The following PDE11A variants were observed in gnomAD, a reference collection of about 807,000 sequenced individuals.
The protein encoded by PDE11A is dual 3',5'-cyclic-AMP and -GMP phosphodiesterase 11A.
Under a neutral mutation model 100.5 loss-of-function variants are expected in PDE11A, and 100 were observed. That is an observed-to-expected ratio of 1.00 (90% CI 0.85 to 1.18). PDE11A has a LOEUF of 1.18. Among genes scored for constraint, PDE11A ranks in the 50% most tolerant of loss-of-function variants. The pLI is 0.00. For missense variants in PDE11A, 1,141 were observed against 1,152.6 expected, an observed-to-expected ratio of 0.99 and a Z score of 0.15; for synonymous variants, 381 against 420.8, an observed-to-expected ratio of 0.91 and a Z score of 1.16.
rs2079794042 is a variant in PDE11A, at chr2:177,623,689, A to T, written c.*5718T>A. ...CACACAGAAAATGAACACAGATATA[A>T]ACGGTGGCACAAATAATACATTTTT... On this transcript the variant is annotated 3_prime_UTR_variant, in exon 20 of 20. Transcript: ENST00000286063. 1 of 152,242 alleles carries T rather than the reference A, an allele frequency of 6.6e-6. No homozygotes were observed. Among genetic ancestry groups the T allele is most frequent in the South Asian group, 2.1e-4 (1 of 4,834 alleles). 9.4% of individuals were successfully genotyped at this position (152,242 alleles called of 1,614,324 possible).
Position 177,705,230 on chromosome 2 carries a change from G to GAAA in PDE11A, c.2154-4022_2154-4020dup, listed in dbSNP as rs3056940. 5.2e-3 allele frequency among the ~76,000 whole-genome samples: 787 copies of GAAA among 150,482 alleles called. 6 individuals carry two copies. Among genetic ancestry groups the GAAA allele is most frequent in the African/African-American group, 0.015 (614 of 41,160 alleles). ...GCTTCTACTTTCTCACATAAAATAT[G>GAAA]AAAAAAAAACCCTGAGATCAATCAC... On this transcript the variant is annotated intron_variant, in intron 13 of 19. Transcript: ENST00000286063.
At chr2:177,789,820 C>A (rs919677289) in intron 9 of PDE11A, among the ~76,000 whole-genome samples, 8 of 151,978 alleles carry the variant, frequency 5.3e-5, no homozygotes, top group Admixed American at 5.2e-4. Context: ...TACCTAGGAA[C>A]CCAACTTACA....
intron 9 of PDE11A, among the ~76,000 whole-genome samples, chr2:177,811,916 T>A (rs2082954749): frequency 6.6e-6 from 1 of 152,160 alleles, no homozygotes; most frequent in Non-Finnish European, 1.5e-5. Context: ...GCAATCTGTT[T>A]TCAGCTCTGA....
At chr2:178,045,978 CAG>C (rs2086745269) in intron 1 of PDE11A, among the ~76,000 whole-genome samples, 1 of 152,158 alleles carries the variant, frequency 6.6e-6, no homozygotes, top group Admixed American at 6.5e-5. Flanking sequence ...AGAATCTAAA[CAG>C]AGATGGATAA....
In PDE11A at chr2:177,855,690, G is replaced by A. The variant is rs116071468; in HGVS notation, c.1368-15307C>T. Among the ~76,000 whole-genome samples, 1,100 of 151,950 alleles carry A rather than the reference G, an allele frequency of 7.2e-3. 13 individuals carry two copies. Among genetic ancestry groups the A allele is most frequent in the African/African-American group, 0.025 (1,024 of 41,418 alleles). On this transcript the variant is annotated intron_variant, in intron 5 of 19. Transcript: ENST00000286063. ...CTTGTCTTTATTTGACCTGACTCAG[G>A]GCTTGTTTATTGAGAACAGCCTTTA... is the stretch of plus-strand genomic sequence containing the variant.
chr2:177,869,312 T>C (rs2084085112), intron 5 of PDE11A, among the ~76,000 whole-genome samples: 1 of 152,244 alleles, frequency 6.6e-6, no homozygotes, highest in African/African-American at 2.4e-5. Flanking sequence ...AGAGCTATAT[T>C]CCTCTCTGAA....
At chr2:177,930,884 C>T (rs1258475506) in intron 2 of PDE11A, among the ~76,000 whole-genome samples, 1 of 152,204 alleles carries the variant, frequency 6.6e-6, no homozygotes, top group East Asian at 1.9e-4. Flanking sequence ...GAATGCTTAG[C>T]CTCAACTGGT....
chr2:177,898,241 G>A, intron 3 of PDE11A, 43 bp from the exon 4 acceptor site: 1 of 1,426,594 alleles, frequency 7.0e-7, no homozygotes. Flanking sequence ...ATGTAAAACT[G>A]AAAAAAAGTT....
intron 7 of PDE11A, among the ~76,000 whole-genome samples, chr2:177,819,831 C>T (rs564670494): frequency 1.0e-4 from 14 of 139,254 alleles, no homozygotes; most frequent in African/African-American, 3.4e-4. Flanking sequence ...AACTTTGTGG[C>T]CTTCTTGAAG....
chr2:177,847,239 T>A (rs1331683835), intron 5 of PDE11A, among the ~76,000 whole-genome samples: 1 of 152,198 alleles, frequency 6.6e-6, no homozygotes, highest in East Asian at 1.9e-4. Flanking sequence ...ACCTCCTTCA[T>A]TCTAGAACCT....
intron 3 of PDE11A, among the ~76,000 whole-genome samples, chr2:177,902,951 T>G (rs2084721333): frequency 6.6e-6 from 1 of 152,180 alleles, no homozygotes; most frequent in Non-Finnish European, 1.5e-5. Flanking sequence ...CAGTTTATTA[T>G]CTCCAGGGAG....
intron 10 of PDE11A, among the ~76,000 whole-genome samples, chr2:177,758,296 CA>C (rs78765770): frequency 0.16 from 10,634 of 64,580 alleles, 201 homozygotes; most frequent in East Asian, 0.22. Context: ...GACTCCGTCT[CA>C]AAAAAAAAAA....
At chr2:178,050,235 A>T (rs1003148826) in intron 1 of PDE11A, among the ~76,000 whole-genome samples, 2 of 152,210 alleles carry the variant, frequency 1.3e-5, no homozygotes, top group African/African-American at 4.8e-5. Context: ...ACCCAGGCAA[A>T]CAGGGTCTGG....
chr2:177,938,284 A>C (rs1307895206), intron 2 of PDE11A, among the ~76,000 whole-genome samples: 1 of 152,182 alleles, frequency 6.6e-6, no homozygotes, highest in Non-Finnish European at 1.5e-5. Context: ...TTATCATCAC[A>C]CATGGAAACT....
intron 2 of PDE11A, among the ~76,000 whole-genome samples, chr2:177,936,049 T>A (rs987784634): frequency 6.6e-6 from 1 of 152,290 alleles, no homozygotes; most frequent in Non-Finnish European, 1.5e-5. Context: ...TTCTAAGACA[T>A]CTATGTATTT....
chr2:178,026,601 C>T (rs1317327569), intron 1 of PDE11A, among the ~76,000 whole-genome samples: 6 of 150,464 alleles, frequency 4.0e-5, no homozygotes, highest in African/African-American at 9.8e-5. Context: ...GCAGAGGTTG[C>T]AGTGAGCCGA....
At chr2:177,950,242 T>G (rs2085490608) in intron 2 of PDE11A, among the ~76,000 whole-genome samples, 1 of 151,778 alleles carries the variant, frequency 6.6e-6, no homozygotes, top group Non-Finnish European at 1.5e-5. Context: ...TTTGCACCTT[T>G]TCCAGACTCT....
intron 4 of PDE11A, 97 bp downstream of exon 4, chr2:177,897,961 G>C: frequency 9.5e-7 from 1 of 1,051,706 alleles, no homozygotes; most frequent in East Asian, 2.4e-5. Context: ...GTCACGAAGA[G>C]TGAATCAAGT....
Position 178,018,684 on chromosome 2 carries a change from C to T in PDE11A, c.913-4224G>A, listed in dbSNP as rs544429580. Among the ~76,000 whole-genome samples the T allele has an allele frequency of 9.5e-4, 145 of 152,268 alleles. 1 individual carries two copies. Among genetic ancestry groups the T allele is most frequent in the African/African-American group, 3.3e-3 (138 of 41,550 alleles). On this transcript the variant is annotated intron_variant, in intron 1 of 19. Transcript: ENST00000286063. ...GCCTCAGCCTCCTAAGTAGCTAGGA[C>T]TGCAGGTGCACACCACCATGCCCAG...
Sources: allele counts gnomAD v4.1 joint callset (sites outside exome capture counted in the v4.1 genomes callset), GRCh38; gene constraint gnomAD v4.1.1; transcripts MANE v1.5; gene names NCBI Gene and HGNC (gene_info 2026-07-23, HGNC 2026-07-21).